The following STAG1 variants were observed in gnomAD, a reference collection of about 807,000 sequenced individuals.
The protein encoded by STAG1 is cohesin subunit SA-1.
A neutral mutation model predicts 170.9 loss-of-function variants in STAG1; 26 were observed. The ratio of observed to expected loss-of-function variants is 0.15; its 90% CI spans 0.11 to 0.21. The LOEUF (loss-of-function observed/expected upper bound fraction) is 0.21, where lower values mean the gene tolerates loss of function less well. Ranked by LOEUF, STAG1 falls within the 10% of genes least tolerant of loss-of-function variation. The pLI is 1.00. For synonymous variants in STAG1, 514 were observed against 497.7 expected (o/e 1.03, Z -0.44); for missense variants, 964 against 1,509.5 (o/e 0.64, Z 5.99).
chr3:136,501,073 T>G (rs1219601949), intron 8 of STAG1, among the ~76,000 whole-genome samples: 1 of 152,242 alleles, frequency 6.6e-6, no homozygotes, highest in Non-Finnish European at 1.5e-5. Context: ...TGCTGTATGC[T>G]TTGTTTCAGG....
chr3:136,419,457 T>C (rs2087882785), intron 20 of STAG1, among the ~76,000 whole-genome samples: 1 of 149,910 alleles, frequency 6.7e-6, no homozygotes, highest in African/African-American at 2.5e-5. Flanking sequence ...CACCCAGCCT[T>C]TTTTTTTTAA....
intron 15 of STAG1, among the ~76,000 whole-genome samples, chr3:136,435,426 G>T (rs755653605): frequency 1.3e-5 from 2 of 151,926 alleles, no homozygotes; most frequent in Admixed American, 1.3e-4. Context: ...TAAGCACTAC[G>T]CTATACTGTC....
In STAG1 at chr3:136,362,327, C is replaced by T. The variant is rs118114345; in HGVS notation, c.2787+1039G>A. Among the ~76,000 whole-genome samples the T allele has an allele frequency of 1.6e-3, 240 of 152,158 alleles. 7 individuals carry two copies. The East Asian group carries it at 0.043, about 27-fold the overall frequency. On this transcript the variant is annotated intron_variant, in intron 26 of 33. Transcript: ENST00000383202. ...GGAAAAGTGCCTTTTTCATATCCCTCGCTCACTTTTCTATGGGATTTATTT... is the reference window on the plus strand; with the variant it reads ...GGAAAAGTGCCTTTTTCATATCCCTTGCTCACTTTTCTATGGGATTTATTT...
At chr3:136,713,057 A>G (rs1428246335) in intron 1 of STAG1, among the ~76,000 whole-genome samples, 3 of 152,104 alleles carry the variant, frequency 2.0e-5, no homozygotes, top group African/African-American at 7.2e-5. Flanking sequence ...GCGCCACTGC[A>G]CTCCAGGCAG....
At chr3:136,701,403 C>CGTGT (rs368425530) in intron 1 of STAG1, among the ~76,000 whole-genome samples, 2 of 151,788 alleles carry the variant, frequency 1.3e-5, no homozygotes, top group African/African-American at 2.4e-5. Context: ...TTCCCATCCT[C>CGTGT]GTGTGTGTGT....
chr3:136,640,249 A>T (rs1056598769), intron 1 of STAG1, among the ~76,000 whole-genome samples: 2 of 152,246 alleles, frequency 1.3e-5, no homozygotes, highest in Non-Finnish European at 2.9e-5. Context: ...TTATAACAAA[A>T]AATTCCGAAC....
At chr3:136,402,941 C>T (rs544202841) in intron 21 of STAG1, among the ~76,000 whole-genome samples, 2 of 151,488 alleles carry the variant, frequency 1.3e-5, no homozygotes, top group South Asian at 4.2e-4. Context: ...TGAGGAATGA[C>T]CTGGTCCTGG....
At chr3:136,521,507 T>G in intron 6 of STAG1, 90 bp from the exon 7 acceptor site, 1 of 1,100,558 alleles carries the variant, frequency 9.1e-7, no homozygotes, top group Non-Finnish European at 1.3e-6. Context: ...TAGGAACCCT[T>G]TTTTGCAAAG....
chr3:136,433,684 C>G (rs960507875), intron 15 of STAG1, 25 bp from the exon 16 acceptor site: 1 of 1,480,014 alleles, frequency 6.8e-7, no homozygotes, highest in Non-Finnish European at 9.4e-7. Flanking sequence ...AATACATGAG[C>G]ATGAGTAGAC....
chr3:136,614,083 G>C (rs924094842), intron 3 of STAG1, among the ~76,000 whole-genome samples: 22 of 152,144 alleles, frequency 1.4e-4, no homozygotes, highest in Non-Finnish European at 3.1e-4. Flanking sequence ...AGGCATGGTG[G>C]TACGCGCCTG....
intron 1 of STAG1, among the ~76,000 whole-genome samples, chr3:136,715,913 C>T (rs772940932): frequency 2.6e-5 from 4 of 151,166 alleles, no homozygotes; most frequent in Non-Finnish European, 4.4e-5. Context: ...GCCTGGCCAA[C>T]GTGGCAAAAC....
chr3:136,651,838 T>C (rs1341877104), intron 1 of STAG1, among the ~76,000 whole-genome samples: 2 of 152,146 alleles, frequency 1.3e-5, no homozygotes, highest in Non-Finnish European at 2.9e-5. Flanking sequence ...CATGACATCC[T>C]AAGCTCTGTG....
intron 15 of STAG1, among the ~76,000 whole-genome samples, chr3:136,438,737 G>A (rs998779552): frequency 2.6e-5 from 4 of 151,732 alleles, no homozygotes; most frequent in Non-Finnish European, 4.4e-5. Flanking sequence ...AACACTATAC[G>A]CTCAGCACTT....
At chr3:136,449,818 A>C (rs185137312) in intron 14 of STAG1, among the ~76,000 whole-genome samples, 1 of 152,192 alleles carries the variant, frequency 6.6e-6, no homozygotes, top group Non-Finnish European at 1.5e-5. Flanking sequence ...ATGAATAATC[A>C]AAGTCAGTTA....
intron 28 of STAG1, among the ~76,000 whole-genome samples, chr3:136,354,754 C>CAAAAAAAAAAAACA (rs1936568917): frequency 1.5e-4 from 1 of 6,516 alleles, no homozygotes; most frequent in Admixed American, 2.7e-3. Flanking sequence ...GAGAAAGAAC[C>CAAAAAAAAAAAACA]AAAAAAAAAA....
intron 9 of STAG1, among the ~76,000 whole-genome samples, chr3:136,494,476 A>G (rs776601957): frequency 1.3e-4 from 20 of 152,328 alleles, no homozygotes; most frequent in Admixed American, 2.6e-4. Context: ...AGTGTATTCT[A>G]TAAGGCTAGT....
At chr3:136,498,260 A>ATACATATACATACC (rs1933253086) in intron 9 of STAG1, among the ~76,000 whole-genome samples, 1 of 98,700 alleles carries the variant, frequency 1.0e-5, no homozygotes, top group African/African-American at 4.5e-5. Context: ...ACACACACAC[A>ATACATATACATACC]CACACACACA....
chr3:136,349,817 G>A (rs1936367569), intron 28 of STAG1, among the ~76,000 whole-genome samples: 1 of 152,144 alleles, frequency 6.6e-6, no homozygotes, highest in South Asian at 2.1e-4. Flanking sequence ...TAAAGTATTT[G>A]CCAATTCTCT....
At chr3:136,488,590 T>A (rs1467441653) in intron 9 of STAG1, among the ~76,000 whole-genome samples, 2 of 152,246 alleles carry the variant, frequency 1.3e-5, no homozygotes, top group African/African-American at 4.8e-5. Flanking sequence ...CATCAGCACC[T>A]ACACGTTTGT....
Sources: gnomAD v4.1 joint callset for allele counts (sites outside exome capture counted in the v4.1 genomes callset) on GRCh38, gnomAD v4.1.1 for gene constraint, MANE v1.5 for transcripts, NCBI Gene and HGNC (gene_info 2026-07-23, HGNC 2026-07-21) for gene names.